The following AMH variants were observed in gnomAD, a reference collection of about 807,000 sequenced individuals.
AMH encodes anti-Muellerian hormone.
In AMH, 39 loss-of-function variants were observed where a neutral mutation model predicts 33.3. The ratio of observed to expected loss-of-function variants is 1.17; its 90% CI spans 0.91 to 1.53. The LOEUF (loss-of-function observed/expected upper bound fraction) is 1.53, where lower values mean the gene tolerates loss of function less well. AMH is among the 40% of genes most tolerant of loss of function. The pLI is 0.00. For synonymous variants in AMH, 536 were observed against 403.0 expected, an observed-to-expected ratio of 1.33 and a Z score of -3.95; for missense variants, 1,019 against 799.8, an observed-to-expected ratio of 1.27 and a Z score of -3.30.
Position 2,251,783 on chromosome 19 carries a change from C to T in AMH, c.1509C>T (p.Tyr503=), listed in dbSNP as rs2025051359. 3 of 1,610,158 alleles carry T rather than the reference C, an allele frequency of 1.9e-6. No individual in the cohort carries two copies. The highest frequency in any genetic ancestry group is 2.2e-5 in the East Asian group (1 of 44,866). Residue 503 remains tyrosine (Y), a synonymous_variant, in exon 5 of 5, where the codon TAC becomes TAT. Coordinates refer to ENST00000221496, the MANE Select transcript of AMH (RefSeq NM_000479.5). ...GWPQSDRNPR[Y]GNHVVLLLKM... ...CTCAGTCCGACCGCAACCCGCGCTA[C>T]GGCAACCACGTGGTGCTGCTGCTGA...
At position 2,251,218 on chromosome 19, in the gene AMH, T is replaced by TA; in HGVS notation, c.944_945insA (p.Asp316GlyfsTer67). ...CGGGCCTCCGCGCCGCGCCTGGCCC[T>TA]GGATCCGGACGCGCTGGCCGGCTTC... On this transcript the variant is annotated frameshift_variant, in exon 5 of 5. Coordinates refer to ENST00000221496, the MANE Select transcript of AMH (RefSeq NM_000479.5). LOFTEE classifies it low-confidence loss of function (END_TRUNC). 1 of 1,503,164 alleles carries TA rather than the reference T, an allele frequency of 6.7e-7. No individual in the cohort carries two copies. Among genetic ancestry groups the TA allele is most frequent in the East Asian group, 2.7e-5 (1 of 37,330 alleles). The allele number at this position is 1,503,164 out of a possible 1,614,324, so 93.1% of individuals were successfully genotyped here.
In AMH at chr19:2,250,398, C is replaced by T; in HGVS notation, c.474C>T (p.Pro158=). 2 of 1,582,510 alleles carry T rather than the reference C, an allele frequency of 1.3e-6. No homozygotes were observed. The highest frequency in any genetic ancestry group is 1.7e-6 in the Non-Finnish European group (2 of 1,165,828). The change falls in exon 2 of 5, where the codon CCC becomes CCT. Residue 158 remains proline, a synonymous_variant. Transcript: ENST00000221496. ...FQEPPPGGAG[P]PELALLVLYP... is the part of the protein sequence containing the mutation. ...AGCCCCCGCCTGGAGGAGCTGGCCCCCCAGAGCTGGCGCTGCTGGTGCTGT... is the reference window on the plus strand; with the variant it reads ...AGCCCCCGCCTGGAGGAGCTGGCCCTCCAGAGCTGGCGCTGCTGGTGCTGT...
chr19:2,250,203 C>A, intron 1 of AMH, 134 bp from the exon 2 acceptor site: 1 of 1,411,288 alleles, frequency 7.1e-7, no homozygotes, highest in Non-Finnish European at 9.6e-7. Flanking sequence ...TGCAGGAAGG[C>A]AGCTAAGAGG....
Position 2,251,162 on chromosome 19 carries a change from C to G in AMH, c.888C>G (p.Arg296=). The part of the protein sequence containing the change: ...SADPFLETLT[R]LVRALRVPPA... ...ACCCCTTCCTGGAGACGCTCACGCG[C>G]CTGGTGCGGGCGCTGCGGGTCCCCC... Residue 296 remains arginine (R), a synonymous_variant, in exon 5 of 5, where the codon CGC becomes CGG. Transcript: ENST00000221496. 1 of 1,522,104 alleles carries G rather than the reference C, an allele frequency of 6.6e-7. No individual in the cohort carries two copies. Among genetic ancestry groups the G allele is most frequent in the Non-Finnish European group, 8.8e-7 (1 of 1,141,408 alleles). The allele number at this position is 1,522,104 out of a possible 1,614,324, so 94.3% of individuals were successfully genotyped here. A position where few individuals can be genotyped will look rare whatever the true frequency, so the allele number is the denominator to read the frequency against.
chr19:2,250,297 C>T, intron 1 of AMH, 40 bp from the exon 2 acceptor site: 6 of 1,567,726 alleles, frequency 3.8e-6, no homozygotes, highest in Non-Finnish European at 5.2e-6. Flanking sequence ...GGGGGTGTGG[C>T]CTTCAATGGC....
chr19:2,251,525 C>T lies in AMH; in HGVS notation c.1251C>T (p.Gly417=). ...CGCTCTGCCCAGGTGGCCCCGGCGG[C>T]CTCGGCGATCCCCTGCGAGCGCTGC... ...LLALCPGGPG[G]LGDPLRALLL... is the part of the protein sequence containing the mutation. Residue 417 remains glycine, a synonymous_variant, in exon 5 of 5, where the codon GGC becomes GGT. Transcript: ENST00000221496. 2 of 1,341,072 alleles carry T rather than the reference C, an allele frequency of 1.5e-6. No homozygotes were observed. The highest frequency in any genetic ancestry group is 1.9e-6 in the Non-Finnish European group (2 of 1,048,746). The allele number at this position is 1,341,072 out of a possible 1,614,324, so 83.1% of individuals were successfully genotyped here.
At position 2,251,976 on chromosome 19, in the gene AMH, T is replaced by G. The variant is rs1233044269; in HGVS notation, c.*19T>G. 1.3e-6 allele frequency: 2 copies of G among 1,536,126 alleles called. No homozygotes were observed. The highest frequency in any genetic ancestry group is 1.7e-6 in the Non-Finnish European group (2 of 1,148,240). On this transcript the variant is annotated 3_prime_UTR_variant, in exon 5 of 5. Coordinates refer to ENST00000221496, the MANE Select transcript of AMH (RefSeq NM_000479.5). ...CCGGTGACCCCTGCGCCGCGCGGAC[T>G]CCTGCCCCGAGGGTCCGGACGCGCC...
chr19:2,250,593 C>T (rs894438721), intron 2 of AMH, 59 bp from the exon 3 acceptor site: 2 of 1,536,392 alleles, frequency 1.3e-6, no homozygotes, highest in East Asian at 2.4e-5. Flanking sequence ...AGGAAGGGGA[C>T]CGGTAGAGCG....
At chr19:2,250,214 G>A (rs2025004241) in intron 1 of AMH, 123 bp from the exon 2 acceptor site, 3 of 1,471,448 alleles carry the variant, frequency 2.0e-6, no homozygotes, top group South Asian at 1.2e-5. Flanking sequence ...AGCTAAGAGG[G>A]GCACCCTTGT....
At position 2,250,404 on chromosome 19, in the gene AMH, G is replaced by C. The variant is rs778082272; in HGVS notation, c.480G>C (p.Glu160Asp). ...CGCCTGGAGGAGCTGGCCCCCCAGA[G>C]CTGGCGCTGCTGGTGCTGTACCCTG... Reference protein sequence around the residue: ...EPPPGGAGPPELALLVLYPGP... With the variant: ...EPPPGGAGPPDLALLVLYPGP... Residue 160 changes from glutamate to aspartate, a missense_variant, in exon 2 of 5, where the codon GAG becomes GAC. Transcript: ENST00000221496. The C allele has an allele frequency of 2.5e-5, 39 of 1,573,990 alleles. No individual in the cohort carries two copies. The highest frequency in any genetic ancestry group is 1.5e-4 in the Admixed American group (8 of 54,192).
Position 2,251,931 on chromosome 19 carries a change from G to A in AMH, c.1657G>A (p.Val553Met), listed in dbSNP as rs770189890. ...CAGCGCGCACCACGTGCCCAACATG[G>A]TGGCCACCGAGTGTGGCTGCCGGTG... ...RISAHHVPNM[V>M]ATECGCR Residue 553 changes from valine to methionine, a missense_variant, in exon 5 of 5, where the codon GTG becomes ATG. By Grantham distance (21) the Val-to-Met change is conservative. Coordinates refer to ENST00000221496, the MANE Select transcript of AMH (RefSeq NM_000479.5). 1.3e-6 allele frequency: 2 copies of A among 1,553,412 alleles called. No homozygotes were observed. The highest frequency in any genetic ancestry group is 2.7e-5 in the African/African-American group (2 of 73,748).
In AMH at chr19:2,251,422, T is replaced by C; in HGVS notation, c.1148T>C (p.Leu383Pro). 1 of 1,442,604 alleles carries C rather than the reference T, an allele frequency of 6.9e-7. No homozygotes were observed. 89.4% of individuals were successfully genotyped at this position (1,442,604 alleles called of 1,614,324 possible). A position where few individuals can be genotyped will look rare whatever the true frequency, so the allele number is the denominator to read the frequency against. Residue 383 changes from leucine to proline, a missense_variant, in exon 5 of 5, where the codon CTG becomes CCG. Transcript: ENST00000221496. ...CTGGCGCGCCGCGTGGCTGCTGAAC[T>C]GCAAGCGGCGGCTGCCGAGCTGCGA... ...TALARRVAAE[L>P]QAAAAELRSL...
At position 2,251,170 on chromosome 19, in the gene AMH, G is replaced by C. The variant is rs1426539387; in HGVS notation, c.896G>C (p.Arg299Pro). 6.6e-7 allele frequency: 1 copy of C among 1,515,908 alleles called. No individual in the cohort carries two copies. The highest frequency in any genetic ancestry group is 8.8e-7 in the Non-Finnish European group (1 of 1,138,632). 93.9% of individuals were successfully genotyped at this position (1,515,908 alleles called of 1,614,324 possible). Residue 299 changes from arginine (R) to proline (P), a missense_variant, in exon 5 of 5, where the codon CGG (arginine) becomes CCG (proline). Transcript: ENST00000221496. ...PFLETLTRLVRALRVPPARAS... is the reference protein window; with the variant it reads ...PFLETLTRLVPALRVPPARAS... ...CTGGAGACGCTCACGCGCCTGGTGCGGGCGCTGCGGGTCCCCCCGGCCCGG... is the reference window on the plus strand; with the variant it reads ...CTGGAGACGCTCACGCGCCTGGTGCCGGCGCTGCGGGTCCCCCCGGCCCGG...
In AMH at chr19:2,250,669, A is replaced by G. The variant is rs2145028553; in HGVS notation, c.573A>G (p.Arg191=). 1 of 1,539,512 alleles carries G rather than the reference A, an allele frequency of 6.5e-7. No homozygotes were observed. Among genetic ancestry groups the G allele is most frequent in the Non-Finnish European group, 8.7e-7 (1 of 1,147,162 alleles). Residue 191 remains arginine (R), a synonymous_variant, in exon 3 of 5, where the codon CGA becomes CGG. Transcript: ENST00000221496. ...CTCCGCAGAGCCTCTGCCCCTCCCG[A>G]GACACCCGCTACCTGGTGTTAGCGG... ...LPGAQSLCPS[R]DTRYLVLAVD...
In AMH at chr19:2,250,918, T is replaced by C; in HGVS notation, c.734T>C (p.Met245Thr). The change falls in exon 4 of 5, where the codon ATG becomes ACG. Residue 245 changes from methionine to threonine, a missense_variant. Transcript: ENST00000221496. ...FGDDHRCFTR[M>T]TPALLLLPRS... ...GACGACCACCGCTGCTTCACACGGATGACCCCGGCCCTGCTCCTGCTGCCG... is the reference window on the plus strand; with the variant it reads ...GACGACCACCGCTGCTTCACACGGACGACCCCGGCCCTGCTCCTGCTGCCG... 1 of 1,566,314 alleles carries C rather than the reference T, an allele frequency of 6.4e-7. No individual in the cohort carries two copies. The highest frequency in any genetic ancestry group is 8.6e-7 in the Non-Finnish European group (1 of 1,164,588).
chr19:2,251,370 C>A lies in AMH; in HGVS notation c.1096C>A (p.Pro366Thr). The A allele has an allele frequency of 6.8e-7, 1 of 1,475,252 alleles. No homozygotes were observed. Among genetic ancestry groups the A allele is most frequent in the South Asian group, 1.3e-5 (1 of 78,046 alleles). The allele number at this position is 1,475,252 out of a possible 1,614,324, so 91.4% of individuals were successfully genotyped here. ...TTGDPAPLHDPTSAPWATALA... is the reference protein window; with the variant it reads ...TTGDPAPLHDTTSAPWATALA... ...CGGGGATCCTGCGCCCCTGCACGAC[C>A]CCACGTCGGCGCCGTGGGCCACGGC... Residue 366 changes from proline (P) to threonine (T), a missense_variant, in exon 5 of 5, where the codon CCC becomes ACC. Coordinates refer to ENST00000221496, the MANE Select transcript of AMH (RefSeq NM_000479.5).
At position 2,250,025 on chromosome 19, in the gene AMH, A is replaced by T. The variant is rs370910891; in HGVS notation, c.412+281A>T. On this transcript the variant is annotated intron_variant, in intron 1 of 4. Transcript: ENST00000221496. Reference sequence around the variant, plus strand: ...ACGACGCAGGGCTCGGGGCCAGTGGAACCCTTCTTCCCACAGCCCCAGCCT... The same window carrying T: ...ACGACGCAGGGCTCGGGGCCAGTGGTACCCTTCTTCCCACAGCCCCAGCCT... 3 of 610,794 alleles carry T rather than the reference A, an allele frequency of 4.9e-6. No homozygotes were observed. The South Asian group carries it at 6.1e-5, about 12-fold the overall frequency. The allele number at this position is 610,794 out of a possible 1,614,324, so 37.8% of individuals were successfully genotyped here.
At chr19:2,249,944 C>G (rs1474763468) in intron 1 of AMH, 200 bp downstream of exon 1, 1 of 687,226 alleles carries the variant, frequency 1.5e-6, no homozygotes, top group Non-Finnish European at 2.4e-6. Context: ...AGCTCTTAGA[C>G]TTGCCCCTGC....
Position 2,249,762 on chromosome 19 carries a change from C to T in AMH, c.412+18C>T, listed in dbSNP as rs749938668. ...GGAGGAAGGTATGTGGGGCCCAGCC[C>T]CAAGCTTGGCACCGCCGTCTTCCTT... On this transcript the variant is annotated intron_variant, in intron 1 of 4. Coordinates refer to ENST00000221496, the MANE Select transcript of AMH (RefSeq NM_000479.5). The T allele has an allele frequency of 1.3e-6, 2 of 1,491,030 alleles. No homozygotes were observed. The highest frequency in any genetic ancestry group is 1.8e-6 in the Non-Finnish European group (2 of 1,125,128). The allele number at this position is 1,491,030 out of a possible 1,614,324, so 92.4% of individuals were successfully genotyped here. A position where few individuals can be genotyped will look rare whatever the true frequency, so the allele number is the denominator to read the frequency against.
Sources: gnomAD v4.1 joint callset for allele counts on GRCh38, gnomAD v4.1.1 for gene constraint, MANE v1.5 for transcripts, NCBI Gene and HGNC (gene_info 2026-07-23, HGNC 2026-07-21) for gene names.